The following SPRY3 variants were observed in gnomAD, a reference collection of about 807,000 sequenced individuals.
SPRY3 encodes protein sprouty homolog 3.
Under a neutral mutation model 20.2 loss-of-function variants are expected in SPRY3, and 15 were observed. The observed-to-expected ratio is 0.74, with a 90% CI of 0.50 to 1.14. SPRY3 has a LOEUF of 1.14. Among genes scored for constraint, SPRY3 ranks in the 50% most tolerant of loss-of-function variants. The pLI, the probability that SPRY3 is intolerant of heterozygous loss-of-function variation, is 0.00. For synonymous variants in SPRY3, 143 were observed against 136.5 expected, an observed-to-expected ratio of 1.05 and a Z score of -0.33; for missense variants, 364 against 363.9, an observed-to-expected ratio of 1.00 and a Z score of 0.00.
chrX:155,767,738 G>GAGGAGGAGTAGGAGAA (rs1569400056), intron 2 of SPRY3: 1 of 57,268 alleles, frequency 1.7e-5, no homozygotes. Context: ...GAGGAGGAGA[G>GAGGAGGAGTAGGAGAA]AGAGGAGGAG....
intron 2 of SPRY3, among the ~76,000 whole-genome samples, chrX:155,755,824 A>C (rs1462123546): frequency 6.6e-6 from 1 of 152,076 alleles, no homozygotes; most frequent in African/African-American, 2.4e-5. Flanking sequence ...ATGAAGAAGA[A>C]AGTGCCAGAG....
At chrX:155,639,850 T>G (rs1407687455) in intron 1 of SPRY3, among the ~76,000 whole-genome samples, 3 of 112,360 alleles carry the variant, frequency 2.7e-5, no homozygotes, top group Non-Finnish European at 5.6e-5. Context: ...AGGGTTCCAG[T>G]TACTTCATAT....
chrX:155,729,160 C>CA lies in SPRY3; in HGVS notation c.-281-38796dup, dbSNP rs762287352. Among the ~76,000 whole-genome samples, 587 of 152,136 alleles carry CA rather than the reference C, an allele frequency of 3.9e-3. 2 individuals are homozygous for CA. The highest frequency in any genetic ancestry group is 0.013 in the African/African-American group (554 of 41,516). ...CTTTTAGCATTGGACAGATATCCAACAAAAAATCAACAAAGAAATTCAGAC... is the reference window on the plus strand; with the variant it reads ...CTTTTAGCATTGGACAGATATCCAACAAAAAAATCAACAAAGAAATTCAGAC... On this transcript the variant is annotated intron_variant, in intron 2 of 3. Transcript: ENST00000675360.
chrX:155,743,543 T>C (rs1187157796), intron 2 of SPRY3, among the ~76,000 whole-genome samples: 1 of 152,152 alleles, frequency 6.6e-6, no homozygotes, highest in African/African-American at 2.4e-5. Context: ...GCTTTCTTAG[T>C]AACACTGTGA....
exon 4 of SPRY3, chrX:155,774,433 C>T (rs1419904323): frequency 6.2e-7 from 1 of 1,614,012 alleles, no homozygotes; most frequent in Non-Finnish European, 8.5e-7. Flanking sequence ...TGGCACTTGT[C>T]TCTGCTGTGT....
At chrX:155,727,772 T>A (rs1450343955) in intron 2 of SPRY3, among the ~76,000 whole-genome samples, 2 of 152,140 alleles carry the variant, frequency 1.3e-5, no homozygotes, top group Non-Finnish European at 2.9e-5. Flanking sequence ...AGAAGTTTGT[T>A]ATTACCAACC....
At chrX:155,720,190 C>T (rs2091047722) in intron 2 of SPRY3, among the ~76,000 whole-genome samples, 1 of 152,134 alleles carries the variant, frequency 6.6e-6, no homozygotes, top group South Asian at 2.1e-4. Context: ...ATCGTGTTGG[C>T]CACAGGGTGG....
intron 3 of SPRY3, among the ~76,000 whole-genome samples, chrX:155,773,306 G>T (rs28573082): frequency 7.4e-5 from 6 of 81,584 alleles, no homozygotes; most frequent in East Asian, 2.0e-3. Flanking sequence ...AATTTTGATT[G>T]GATATATATA....
chrX:155,714,763 C>G (rs767300668), intron 2 of SPRY3, among the ~76,000 whole-genome samples: 1 of 152,228 alleles, frequency 6.6e-6, no homozygotes, highest in East Asian at 1.9e-4. Flanking sequence ...TTCTATTCTA[C>G]TGTGGCTAAG....
At chrX:155,774,763 C>A in exon 4 of SPRY3, 2 of 1,589,314 alleles carry the variant, frequency 1.3e-6, no homozygotes, top group South Asian at 1.2e-5. Context: ...GGATCCAGAG[C>A]TTTTCTCCTT....
intron 2 of SPRY3, among the ~76,000 whole-genome samples, chrX:155,668,750 G>C (rs1422085436): frequency 1.8e-5 from 2 of 109,966 alleles, no homozygotes; most frequent in African/African-American, 3.3e-5. Context: ...TTCTATTGCT[G>C]ATCCTTTTTC....
At chrX:155,661,437 G>A (rs996909928) in intron 2 of SPRY3, among the ~76,000 whole-genome samples, 1 of 111,310 alleles carries the variant, frequency 9.0e-6, no homozygotes, top group African/African-American at 3.3e-5. Context: ...GTGATTAGAT[G>A]CTTCTCCCTT....
exon 2 of SPRY3, chrX:155,782,195 A>G (rs2091467044): frequency 6.0e-6 from 1 of 166,998 alleles, no homozygotes; most frequent in Admixed American, 6.6e-5. Context: ...TCTTTTGTAG[A>G]AGCCAGAATG....
At chrX:155,761,516 C>T (rs990735557) in intron 2 of SPRY3, among the ~76,000 whole-genome samples, 1 of 152,202 alleles carries the variant, frequency 6.6e-6, no homozygotes, top group East Asian at 1.9e-4. Context: ...TGAACAGGCA[C>T]ATGCATGTGT....
chrX:155,663,565 T>C (rs2068016530), intron 2 of SPRY3, among the ~76,000 whole-genome samples: 1 of 111,692 alleles, frequency 9.0e-6, no homozygotes. Flanking sequence ...AGACAGTTTC[T>C]TTAAAATGGA....
chrX:155,770,891 G>A (rs2091376614), intron 3 of SPRY3, among the ~76,000 whole-genome samples: 1 of 152,044 alleles, frequency 6.6e-6, no homozygotes, highest in African/African-American at 2.4e-5. Context: ...ATCAGATTCA[G>A]CATGTCCAGA....
chrX:155,756,276 A>G (rs2091283209), intron 2 of SPRY3, among the ~76,000 whole-genome samples: 2 of 152,008 alleles, frequency 1.3e-5, no homozygotes, highest in Non-Finnish European at 2.9e-5. Flanking sequence ...AAGTTTTAAA[A>G]CTTCTGATTA....
At chrX:155,697,858 G>T (rs1217909050) in intron 2 of SPRY3, among the ~76,000 whole-genome samples, 1 of 110,493 alleles carries the variant, frequency 9.1e-6, no homozygotes, top group Non-Finnish European at 1.9e-5. Context: ...GTATCAGTTA[G>T]AAATTTTTGG....
intron 2 of SPRY3, among the ~76,000 whole-genome samples, chrX:155,691,946 A>T (rs1349796678): frequency 1.1e-5 from 1 of 87,050 alleles, no homozygotes; most frequent in Non-Finnish European, 2.1e-5. Flanking sequence ...GGCTAGCCTC[A>T]AACTCCTGGG....
Sources: allele counts gnomAD v4.1 joint callset (sites outside exome capture counted in the v4.1 genomes callset), GRCh38; gene constraint gnomAD v4.1.1; transcripts MANE v1.5; gene names NCBI Gene and HGNC (gene_info 2026-07-23, HGNC 2026-07-21).